The following RIPOR2 variants were observed in gnomAD, a reference collection of about 807,000 sequenced individuals.
RIPOR2 encodes the protein rho family-interacting cell polarization regulator 2.
A neutral mutation model predicts 114.5 loss-of-function variants in RIPOR2; 39 were observed. The ratio of observed to expected loss-of-function variants is 0.34; its 90% CI spans 0.26 to 0.44. RIPOR2 has a LOEUF of 0.44. Ranked by LOEUF, RIPOR2 falls within the 20% of genes least tolerant of loss-of-function variation. RIPOR2 has a pLI of 1.00. For missense variants in RIPOR2, 1,007 were observed against 1,255.1 expected (o/e 0.80, Z 2.99); for synonymous variants, 445 against 484.4 (o/e 0.92, Z 1.07).
At chr6:24,925,425 T>G (rs915823414) in intron 1 of RIPOR2, among the ~76,000 whole-genome samples, 1 of 152,144 alleles carries the variant, frequency 6.6e-6, no homozygotes, top group Non-Finnish European at 1.5e-5. Context: ...AGGTTCAGGC[T>G]GGGCGCGGTG....
intron 1 of RIPOR2, among the ~76,000 whole-genome samples, chr6:25,000,991 G>A (rs1046543223): frequency 1.3e-5 from 2 of 152,126 alleles, no homozygotes; most frequent in Admixed American, 6.5e-5. Flanking sequence ...TGCGGACCTC[G>A]ATTTTTTTTC....
intron 1 of RIPOR2, among the ~76,000 whole-genome samples, chr6:24,997,568 G>A (rs1296525812): frequency 6.6e-6 from 1 of 152,178 alleles, no homozygotes; most frequent in Non-Finnish European, 1.5e-5. Context: ...ATTGTAGGAT[G>A]TTTTGAAGCA....
At chr6:24,807,064 T>C (rs1364137279) in intron 21 of RIPOR2, among the ~76,000 whole-genome samples, 1 of 152,254 alleles carries the variant, frequency 6.6e-6, no homozygotes, top group South Asian at 2.1e-4. Context: ...ATTTTTCTAC[T>C]TTAAAAAATG....
In RIPOR2 at chr6:24,830,623, T is replaced by G; in HGVS notation, c.2392A>C (p.Lys798Gln). 1 of 1,551,524 alleles carries G rather than the reference T, an allele frequency of 6.4e-7. No homozygotes were observed. Reference protein sequence around the residue: ...KKLSLLSFWTKCCSPVGVYHS... With the variant: ...KKLSLLSFWTQCCSPVGVYHS... ...TAGACACCAACAGGGCTGCAGCACT[T>G]GGTCCAGAATGACAGCAAAGACAGC... The change falls in exon 17 of 22, where the codon AAG (lysine) becomes CAG (glutamine). Residue 798 changes from lysine (K) to glutamine (Q), a missense_variant. Physicochemically the swap from Lys to Gln is moderately conservative, Grantham distance 53 (BLOSUM62 1). Coordinates refer to ENST00000643898, the MANE Select transcript of RIPOR2 (RefSeq NM_001286445.3).
chr6:25,025,692 G>C (rs537491850), intron 1 of RIPOR2, among the ~76,000 whole-genome samples: 1 of 152,156 alleles, frequency 6.6e-6, no homozygotes, highest in African/African-American at 2.4e-5. Context: ...TGCACATAAG[G>C]TTTAAAAGAA....
intron 1 of RIPOR2, among the ~76,000 whole-genome samples, chr6:24,998,805 G>A (rs932141906): frequency 7.9e-5 from 12 of 152,170 alleles, no homozygotes; most frequent in Non-Finnish European, 1.6e-4. Context: ...GGTTGGCCAG[G>A]ACAGACCTTG....
intron 1 of RIPOR2, among the ~76,000 whole-genome samples, chr6:24,995,161 G>T (rs901461413): frequency 5.9e-5 from 9 of 152,128 alleles, no homozygotes; most frequent in African/African-American, 2.2e-4. Flanking sequence ...GTGCTAGAGA[G>T]CAGGACCCCA....
chr6:24,937,854 G>A (rs1771902502), upstream of RIPOR2, among the ~76,000 whole-genome samples: 1 of 152,054 alleles, frequency 6.6e-6, no homozygotes, highest in Non-Finnish European at 1.5e-5. Flanking sequence ...ACAACTTATG[G>A]GAGTGACTGC....
chr6:24,940,141 TTTGAG>T (rs1304231046), upstream of RIPOR2, among the ~76,000 whole-genome samples: 11 of 152,208 alleles, frequency 7.2e-5, no homozygotes, highest in African/African-American at 1.9e-4. Flanking sequence ...GTATTATTAT[TTTGAG>T]TTATGAGAAT....
intron 1 of RIPOR2, among the ~76,000 whole-genome samples, chr6:25,002,141 A>G (rs1775349530): frequency 6.6e-6 from 1 of 152,252 alleles, no homozygotes; most frequent in African/African-American, 2.4e-5. Flanking sequence ...AGTGAGCTGC[A>G]CTAGGTATAC....
chr6:24,850,666 A>G lies in RIPOR2; in HGVS notation c.816T>C (p.Asn272=). ...CTTCTCCATCCCAGCTCTGCTTGCC[A>G]TTTACTTCTATTTTGCCTTTCAGTT... ...RWKLKGKIEV[N]GKQSWDGEET... The change falls in exon 10 of 22, where the codon AAT becomes AAC. Residue 272 remains asparagine, a synonymous_variant. Coordinates refer to ENST00000643898, the MANE Select transcript of RIPOR2 (RefSeq NM_001286445.3). 1 of 1,613,730 alleles carries G rather than the reference A, an allele frequency of 6.2e-7. No individual in the cohort carries two copies. Among genetic ancestry groups the G allele is most frequent in the Non-Finnish European group, 8.5e-7 (1 of 1,179,822 alleles).
chr6:24,938,224 C>T (rs942716701), upstream of RIPOR2, among the ~76,000 whole-genome samples: 2 of 152,104 alleles, frequency 1.3e-5, no homozygotes, highest in Non-Finnish European at 2.9e-5. Context: ...TAGACAAAGA[C>T]ATAGACATAG....
At chr6:24,950,362 C>T (rs1374637141) in intron 1 of RIPOR2, among the ~76,000 whole-genome samples, 2 of 152,186 alleles carry the variant, frequency 1.3e-5, no homozygotes, top group South Asian at 2.1e-4. Context: ...TCCCTCCCTC[C>T]TATTCAACCA....
intron 1 of RIPOR2, among the ~76,000 whole-genome samples, chr6:24,905,200 C>A (rs1242551517): frequency 6.6e-6 from 1 of 152,138 alleles, no homozygotes; most frequent in South Asian, 2.1e-4. Flanking sequence ...ACTTAGAGAG[C>A]ATTTGGTTGG....
intron 1 of RIPOR2, among the ~76,000 whole-genome samples, chr6:25,020,262 C>T (rs1776253554): frequency 6.6e-6 from 1 of 151,842 alleles, no homozygotes; most frequent in South Asian, 2.1e-4. Context: ...GAAAATTGTG[C>T]AAGAAAAAAA....
rs559925551 is a variant in RIPOR2 at position 24,966,853 on chromosome 6, C to T, written c.76+74998G>A. Among the ~76,000 whole-genome samples the T allele has an allele frequency of 1.3e-4, 20 of 152,220 alleles. No homozygotes were observed. The East Asian group carries it at 2.7e-3, about 21-fold the overall frequency. On this transcript the variant is annotated intron_variant, in intron 1 of 13. Coordinates refer to the RIPOR2 transcript ENST00000510784. ...AATATATATTTATGCTATTATCCTT[C>T]GAAGAGGATTAAAAGGCAGAGTATC...
chr6:25,030,960 A>G (rs9348659), intron 1 of RIPOR2: 35,361 of 150,398 alleles, frequency 0.24, 5,198 homozygotes, highest in East Asian at 0.65. Context: ...GCCTCCCAAA[A>G]TGCTGGGATT....
At chr6:25,009,304 G>T (rs1415335861) in intron 1 of RIPOR2, among the ~76,000 whole-genome samples, 1 of 152,178 alleles carries the variant, frequency 6.6e-6, no homozygotes, top group African/African-American at 2.4e-5. Context: ...CCTTTATCTT[G>T]ATTAGCAGTT....
intron 1 of RIPOR2, among the ~76,000 whole-genome samples, chr6:25,026,830 G>A (rs9366596): frequency 0.21 from 31,961 of 152,156 alleles, 4,141 homozygotes; most frequent in East Asian, 0.59. Context: ...GAGCTAAGAG[G>A]CTGAGGCCTG....
Sources: allele counts gnomAD v4.1 joint callset (sites outside exome capture counted in the v4.1 genomes callset), GRCh38; gene constraint gnomAD v4.1.1; transcripts MANE v1.5; gene names NCBI Gene and HGNC (gene_info 2026-07-23, HGNC 2026-07-21).